MCC: variants seen among roughly 807,000 people sequenced by gnomAD.
MCC encodes colorectal mutant cancer protein.
Under a neutral mutation model 116.2 loss-of-function variants are expected in MCC, and 90 were observed. That is an observed-to-expected ratio of 0.77 (90% CI 0.65 to 0.92). The LOEUF is 0.92. Among genes scored for constraint, MCC ranks in the 40% least tolerant of loss-of-function variants. The pLI, the probability that MCC is intolerant of heterozygous loss-of-function variation, is 0.00. For synonymous variants in MCC, 578 were observed against 510.5 expected (o/e 1.13, Z -1.78); for missense variants, 1,516 against 1,312.2 (o/e 1.16, Z -2.40).
intron 14 of MCC, among the ~76,000 whole-genome samples, chr5:113,061,234 C>A (rs939389035): frequency 3.3e-5 from 5 of 152,172 alleles, no homozygotes; most frequent in African/African-American, 9.7e-5. Flanking sequence ...CTCCAGGGTC[C>A]CCACCTGGTG....
chr5:113,457,537 GC>G lies in MCC; in HGVS notation c.170+30707del, dbSNP rs762658597. Among the ~76,000 whole-genome samples, 35 of 152,346 alleles carry G rather than the reference GC, an allele frequency of 2.3e-4. 4 individuals are homozygous for G. Among genetic ancestry groups the G allele is most frequent in the Admixed American group, 7.2e-4 (11 of 15,308 alleles). Reference sequence around the variant, plus strand: ...AAGCGCTGAGGAGTGCGAGCGCATGGCGTGGGACTGGCAGGCAGCTCCACCT... The same window carrying G: ...AAGCGCTGAGGAGTGCGAGCGCATGGGTGGGACTGGCAGGCAGCTCCACCT... On this transcript the variant is annotated intron_variant, in intron 1 of 18. Coordinates refer to ENST00000408903, the MANE Select transcript of MCC (RefSeq NM_001085377.2).
intron 1 of MCC, among the ~76,000 whole-genome samples, chr5:113,448,921 G>A (rs1298485210): frequency 6.6e-6 from 1 of 152,180 alleles, no homozygotes. Flanking sequence ...AGTAAAGAAG[G>A]TTTGAAATGT....
chr5:113,459,516 C>A (rs1771686542), intron 1 of MCC, among the ~76,000 whole-genome samples: 2 of 151,944 alleles, frequency 1.3e-5, no homozygotes, highest in East Asian at 1.9e-4. Flanking sequence ...CCAGCTTGGG[C>A]AACAGAGTGA....
chr5:113,351,303 T>C (rs1040380245), intron 2 of MCC, among the ~76,000 whole-genome samples: 1 of 152,106 alleles, frequency 6.6e-6, no homozygotes, highest in South Asian at 2.1e-4. Context: ...TATCAATAGA[T>C]GAATGGATGA....
intron 14 of MCC, among the ~76,000 whole-genome samples, chr5:113,056,486 T>C (rs1347252147): frequency 6.6e-6 from 1 of 152,132 alleles, no homozygotes; most frequent in Non-Finnish European, 1.5e-5. Flanking sequence ...GAAAACCAAA[T>C]ACCACATGTT....
At chr5:113,291,649 C>T (rs1766499458) in intron 3 of MCC, among the ~76,000 whole-genome samples, 3 of 152,098 alleles carry the variant, frequency 2.0e-5, no homozygotes, top group Admixed American at 6.5e-5. Context: ...AGAGATGGCA[C>T]TAAAGGGGCC....
At chr5:113,133,770 C>A (rs1244657086) in intron 5 of MCC, among the ~76,000 whole-genome samples, 1 of 152,152 alleles carries the variant, frequency 6.6e-6, no homozygotes, top group Non-Finnish European at 1.5e-5. Context: ...CTCTTTCTTA[C>A]ATATCCTTGC....
At chr5:113,340,433 A>T in intron 3 of MCC, 86 bp downstream of exon 3, 1 of 1,092,826 alleles carries the variant, frequency 9.2e-7, no homozygotes, top group South Asian at 1.3e-5. Context: ...AATACCCGAT[A>T]TGTCCCCTGG....
chr5:113,135,701 C>G (rs183162484), intron 5 of MCC, among the ~76,000 whole-genome samples: 1 of 152,120 alleles, frequency 6.6e-6, no homozygotes, highest in Admixed American at 6.5e-5. Context: ...AGATACGTAA[C>G]CTACCTACTA....
Position 113,069,399 on chromosome 5 carries a change from G to A in MCC, c.1926-1216C>T, listed in dbSNP as rs181731543. ...TTTCCTGTAGCGTGAGACCCACGTG[G>A]CCCACGTCCACACAAGAGGAGGTGG... On this transcript the variant is annotated intron_variant, in intron 12 of 18. Transcript: ENST00000408903. 4.1e-3 allele frequency among the ~76,000 whole-genome samples: 622 copies of A among 152,334 alleles called. 3 individuals carry two copies. Among genetic ancestry groups the A allele is most frequent in the Non-Finnish European group, 6.3e-3 (427 of 68,034 alleles).
chr5:113,286,437 G>A (rs996984575), intron 3 of MCC, among the ~76,000 whole-genome samples: 4 of 152,082 alleles, frequency 2.6e-5, no homozygotes, highest in East Asian at 1.9e-4. Context: ...ACTGACATGC[G>A]CACACACATT....
At chr5:113,373,298 T>A (rs978755789) in intron 2 of MCC, among the ~76,000 whole-genome samples, 18 of 152,124 alleles carry the variant, frequency 1.2e-4, no homozygotes, top group African/African-American at 4.3e-4. Context: ...GCATGTGACA[T>A]ACTCTGAAAA....
chr5:113,094,115 T>G (rs922012285), intron 8 of MCC, among the ~76,000 whole-genome samples: 4 of 152,220 alleles, frequency 2.6e-5, no homozygotes, highest in African/African-American at 7.2e-5. Context: ...ATTGGAGATT[T>G]TATATGATTT....
At chr5:113,481,836 T>A (rs348925) in intron 1 of MCC, among the ~76,000 whole-genome samples, 104,768 of 152,094 alleles carry the variant, frequency 0.69, 36,512 homozygotes, top group East Asian at 0.88. Flanking sequence ...TTTACTATAT[T>A]CACAGAGCTG....
At chr5:113,071,283 C>A in intron 11 of MCC, 49 bp from the exon 12 acceptor site, 5 of 1,585,920 alleles carry the variant, frequency 3.2e-6, no homozygotes, top group South Asian at 1.2e-5. Context: ...AGTTAATTTG[C>A]CAATATTTCA....
At chr5:113,168,400 A>C (rs939149214) in intron 3 of MCC, among the ~76,000 whole-genome samples, 3 of 152,248 alleles carry the variant, frequency 2.0e-5, no homozygotes, top group African/African-American at 7.2e-5. Flanking sequence ...CTTTCTGAAG[A>C]AATATACTTG....
intron 1 of MCC, among the ~76,000 whole-genome samples, chr5:113,412,037 C>T (rs1770008141): frequency 6.6e-6 from 1 of 152,176 alleles, no homozygotes; most frequent in Admixed American, 6.5e-5. Flanking sequence ...AAATCCTTTC[C>T]CCATTTCTTG....
At position 113,023,678 on chromosome 5, in the gene MCC, A is replaced by T. The variant is rs867424407; in HGVS notation, c.*3624T>A. 3 of 152,252 alleles carry T rather than the reference A, an allele frequency of 2.0e-5. No individual in the cohort carries two copies. The highest frequency in any genetic ancestry group is 7.2e-5 in the African/African-American group (3 of 41,472). The allele number at this position is 152,252 out of a possible 1,614,324, so 9.4% of individuals were successfully genotyped here. Reference sequence around the variant, plus strand: ...ATAGAATGATTGGGACATACTCCCAATTAAGAATTTGCAAATTGTTTAAAG... The same window carrying T: ...ATAGAATGATTGGGACATACTCCCATTTAAGAATTTGCAAATTGTTTAAAG... On this transcript the variant is annotated 3_prime_UTR_variant, in exon 19 of 19. Coordinates refer to ENST00000408903, the MANE Select transcript of MCC (RefSeq NM_001085377.2).
intron 1 of MCC, among the ~76,000 whole-genome samples, chr5:113,455,147 G>C (rs1273093897): frequency 6.6e-6 from 1 of 152,098 alleles, no homozygotes; most frequent in Non-Finnish European, 1.5e-5. Flanking sequence ...ATCCCATTTG[G>C]CTCAGCTGAT....
Sources: gnomAD v4.1 joint callset for allele counts (sites outside exome capture counted in the v4.1 genomes callset) on GRCh38, gnomAD v4.1.1 for gene constraint, MANE v1.5 for transcripts, NCBI Gene and HGNC (gene_info 2026-07-23, HGNC 2026-07-21) for gene names.